Variants in STK3 observed in about 807,000 individuals in gnomAD.
STK3 encodes the protein serine/threonine-protein kinase 3.
A neutral mutation model predicts 58.0 loss-of-function variants in STK3; 41 were observed. The ratio of observed to expected loss-of-function variants is 0.71; its 90% CI spans 0.55 to 0.92. The LOEUF (loss-of-function observed/expected upper bound fraction) is 0.92, where lower values mean the gene tolerates loss of function less well. Ranked by LOEUF, STK3 falls within the 40% of genes least tolerant of loss-of-function variation. The probability of loss-of-function intolerance (pLI) is 0.00; values close to 1 mark genes in which losing one functional copy is unlikely to be tolerated. For missense variants in STK3, 479 were observed against 602.7 expected (o/e 0.79, Z 2.15); for synonymous variants, 170 against 191.0 (o/e 0.89, Z 0.91).
intron 6 of STK3, among the ~76,000 whole-genome samples, chr8:98,680,299 G>C (rs1336167246): frequency 5.3e-5 from 8 of 152,138 alleles, no homozygotes; most frequent in Admixed American, 2.0e-4. Context: ...GAGCTAAGCA[G>C]GAGGTATGGA....
intron 1 of STK3, among the ~76,000 whole-genome samples, chr8:98,890,263 T>G: frequency 6.6e-6 from 1 of 152,154 alleles, no homozygotes; most frequent in East Asian, 1.9e-4. Context: ...TCATCCCAAT[T>G]TCTCCACAGC....
chr8:98,467,670 C>T lies in STK3; in HGVS notation c.1318-11670G>A, dbSNP rs900389195. On this transcript the variant is annotated intron_variant, in intron 10 of 10. Coordinates refer to ENST00000419617, the MANE Select transcript of STK3 (RefSeq NM_006281.4). ...TCAGCATGTTTAATTAATATTACTA[C>T]AGGATAGTTTCATGCTCCACTACAT... Among the ~76,000 whole-genome samples the T allele has an allele frequency of 2.6e-5, 4 of 151,960 alleles. No individual in the cohort carries two copies. In the East Asian group the frequency reaches 7.8e-4, roughly 29 times the overall value.
At chr8:98,694,332 C>A (rs777837115) in intron 6 of STK3, among the ~76,000 whole-genome samples, 35 of 151,726 alleles carry the variant, frequency 2.3e-4, no homozygotes, top group Non-Finnish European at 4.1e-4. Context: ...GAGATAGAGA[C>A]CTTTTTTTAG....
chr8:98,584,463 A>G (rs78177452), intron 7 of STK3, among the ~76,000 whole-genome samples: 34,792 of 149,032 alleles, frequency 0.23, 5,008 homozygotes, highest in East Asian at 0.44. Context: ...ATTCCATGGC[A>G]TATATGTGCC....
intron 1 of STK3, among the ~76,000 whole-genome samples, chr8:98,917,341 C>T (rs1282075588): frequency 6.6e-6 from 1 of 152,152 alleles, no homozygotes; most frequent in Admixed American, 6.5e-5. Context: ...CCAGCATAGC[C>T]TTTTTAAAGA....
At chr8:98,708,138 C>CAA (rs200363376) in intron 4 of STK3, among the ~76,000 whole-genome samples, 2 of 117,850 alleles carry the variant, frequency 1.7e-5, no homozygotes. Flanking sequence ...GACTCCATCT[C>CAA]AAAAAAAAAA....
chr8:98,537,212 C>T (rs1809837318), intron 9 of STK3, among the ~76,000 whole-genome samples: 1 of 152,096 alleles, frequency 6.6e-6, no homozygotes, highest in African/African-American at 2.4e-5. Flanking sequence ...GCTTATACTT[C>T]TAAATATTTT....
At chr8:98,416,975 G>A (rs1818122330) in intron 3 of STK3, among the ~76,000 whole-genome samples, 1 of 152,176 alleles carries the variant, frequency 6.6e-6, no homozygotes, top group African/African-American at 2.4e-5. Context: ...CAGCCAGATG[G>A]CAGAATCCAG....
chr8:98,929,272 G>GAAC (rs754076760), intron 1 of STK3, among the ~76,000 whole-genome samples: 155 of 152,122 alleles, frequency 1.0e-3, no homozygotes, highest in Non-Finnish European at 1.8e-3. Context: ...CTCAAAAAAT[G>GAAC]AACAACAACA....
At chr8:98,438,212 CGTGT>C (rs967119383) in intron 1 of STK3, 1 of 152,038 alleles carries the variant, frequency 6.6e-6, no homozygotes, top group Non-Finnish European at 1.5e-5. Context: ...TTTGTGTGTG[CGTGT>C]GTGTGTTTAA....
At chr8:98,349,630 A>G in the STK3 span, among the ~76,000 whole-genome samples, 5 of 152,296 alleles carry the variant, frequency 3.3e-5, no homozygotes, top group East Asian at 1.9e-4. Context: ...GCAAACTTCT[A>G]TCTGGACATC....
upstream of STK3, chr8:98,388,385 G>T (rs1817813818): frequency 6.6e-6 from 1 of 152,174 alleles, no homozygotes; most frequent in Non-Finnish European, 1.5e-5. Flanking sequence ...ATAATGAATG[G>T]ATCATGCTGA....
chr8:98,407,663 A>G (rs1323725025), intron 3 of STK3, among the ~76,000 whole-genome samples: 1 of 151,978 alleles, frequency 6.6e-6, no homozygotes, highest in Non-Finnish European at 1.5e-5. Context: ...AACCTGCTGC[A>G]GATTTTAAAT....
At chr8:98,391,317 T>G (rs1817847204), upstream of STK3, 1 of 152,226 alleles carries the variant, frequency 6.6e-6, no homozygotes, top group African/African-American at 2.4e-5. Flanking sequence ...TGCCCCTAGG[T>G]TCTTCCCCTA....
intron 3 of STK3, among the ~76,000 whole-genome samples, chr8:98,847,842 C>A (rs553472387): frequency 6.6e-6 from 1 of 152,280 alleles, no homozygotes; most frequent in African/African-American, 2.4e-5. Context: ...CTAACTTTAG[C>A]TCCAGGTTCA....
intron 2 of STK3, among the ~76,000 whole-genome samples, chr8:98,372,091 T>C (rs1409885412): frequency 6.6e-6 from 1 of 150,950 alleles, no homozygotes; most frequent in Non-Finnish European, 1.5e-5. Flanking sequence ...GAGGCAGAGG[T>C]TGGAGTAATG....
chr8:98,369,086 C>CT (rs1817589073), downstream of STK3, among the ~76,000 whole-genome samples: 1 of 152,206 alleles, frequency 6.6e-6, no homozygotes, highest in Non-Finnish European at 1.5e-5. Flanking sequence ...ATCTCCATCC[C>CT]TTCCCCCTAA....
At chr8:98,555,525 C>T in intron 8 of STK3, among the ~76,000 whole-genome samples, 1 of 152,030 alleles carries the variant, frequency 6.6e-6, no homozygotes, top group East Asian at 1.9e-4. Flanking sequence ...TGACATTAAA[C>T]ACTTCTTTAT....
At chr8:98,816,157 T>A (rs1036439548) in intron 1 of STK3, among the ~76,000 whole-genome samples, 2 of 152,150 alleles carry the variant, frequency 1.3e-5, no homozygotes, top group African/African-American at 4.8e-5. Context: ...CAACCTGGGT[T>A]CTCCAACAGG....
Sources: allele counts gnomAD v4.1 joint callset (sites outside exome capture counted in the v4.1 genomes callset), GRCh38; gene constraint gnomAD v4.1.1; transcripts MANE v1.5; gene names NCBI Gene and HGNC (gene_info 2026-07-23, HGNC 2026-07-21).